The following ATP10B variants were observed in gnomAD, a reference collection of about 807,000 sequenced individuals.
ATP10B encodes ATPase phospholipid transporting 10B (putative).
A neutral mutation model predicts 141.2 loss-of-function variants in ATP10B; 122 were observed. The ratio of observed to expected loss-of-function variants is 0.86; its 90% CI spans 0.75 to 1.00. The LOEUF is 1.00. Ranked by LOEUF, ATP10B falls within the 50% of genes least tolerant of loss-of-function variation. The pLI is 0.00. For missense variants in ATP10B, 1,876 were observed against 1,825.3 expected, an observed-to-expected ratio of 1.03 and a Z score of -0.51; for synonymous variants, 685 against 692.0, an observed-to-expected ratio of 0.99 and a Z score of 0.16.
At chr5:160,658,807 G>C (rs1761687036) in intron 7 of ATP10B, among the ~76,000 whole-genome samples, 1 of 152,154 alleles carries the variant, frequency 6.6e-6, no homozygotes, top group South Asian at 2.1e-4. Context: ...ACAAGAGATG[G>C]ACATCATACT....
chr5:160,638,541 C>G (rs911273839), intron 10 of ATP10B, among the ~76,000 whole-genome samples: 1 of 152,112 alleles, frequency 6.6e-6, no homozygotes, highest in Non-Finnish European at 1.5e-5. Flanking sequence ...GCTCTCCTTA[C>G]AGCTGTGAGC....
At chr5:160,567,591 C>A (rs1317261530) in intron 25 of ATP10B, among the ~76,000 whole-genome samples, 1 of 152,034 alleles carries the variant, frequency 6.6e-6, no homozygotes, top group Non-Finnish European at 1.5e-5. Flanking sequence ...ACACAGTAAC[C>A]TTTTAAAGCT....
intron 19 of ATP10B, among the ~76,000 whole-genome samples, chr5:160,605,581 C>T (rs930605252): frequency 4.6e-5 from 7 of 152,154 alleles, no homozygotes; most frequent in South Asian, 2.1e-4. Flanking sequence ...AGTAGGATGT[C>T]GTTGCTAAAT....
At chr5:160,750,235 A>C (rs574648945) in intron 2 of ATP10B, among the ~76,000 whole-genome samples, 209 of 152,306 alleles carry the variant, frequency 1.4e-3, no homozygotes, top group African/African-American at 4.6e-3. Context: ...GTAGTCCATG[A>C]CACCTGTTTC....
At chr5:160,765,712 T>A (rs900775432) in intron 2 of ATP10B, among the ~76,000 whole-genome samples, 1 of 151,974 alleles carries the variant, frequency 6.6e-6, no homozygotes, top group African/African-American at 2.4e-5. Context: ...GATAAATAGA[T>A]GGAACTTAAA....
At position 160,620,336 on chromosome 5, in the gene ATP10B, G is replaced by T. The variant is rs376954605; in HGVS notation, c.2416+11C>A. 4 of 1,599,000 alleles carry T rather than the reference G, an allele frequency of 2.5e-6. No individual in the cohort carries two copies. The highest frequency in any genetic ancestry group is 2.6e-6 in the Non-Finnish European group (3 of 1,171,820). The stretch of plus-strand genomic sequence containing the variant: ...TCTCTGTGCCTGGAACCCTGGTAAG[G>T]CAGGACTCACCGCAGGCTGGGTCTT... On this transcript the variant is annotated intron_variant, in intron 15 of 25. Transcript: ENST00000327245.
chr5:160,818,393 G>C (rs1356283945), intron 1 of ATP10B, among the ~76,000 whole-genome samples: 8 of 152,280 alleles, frequency 5.3e-5, no homozygotes, highest in Non-Finnish European at 1.2e-4. Flanking sequence ...AAAGACACAT[G>C]AAAAAATGCT....
intron 18 of ATP10B, 42 bp downstream of exon 18, chr5:160,612,699 C>A (rs769227379): frequency 1.3e-6 from 2 of 1,543,312 alleles, no homozygotes; most frequent in Non-Finnish European, 1.8e-6. Flanking sequence ...GGTTGCTCTA[C>A]ACGTTGATAT....
intron 21 of ATP10B, among the ~76,000 whole-genome samples, chr5:160,599,694 G>A (rs149602167): frequency 5.6e-4 from 86 of 152,306 alleles, no homozygotes; most frequent in African/African-American, 1.9e-3. Context: ...AAGGGTGAAT[G>A]ACAAAATCTG....
intron 8 of ATP10B, among the ~76,000 whole-genome samples, chr5:160,647,284 G>A (rs1760359434): frequency 6.6e-6 from 1 of 152,188 alleles, no homozygotes; most frequent in Non-Finnish European, 1.5e-5. Context: ...GGAAGAAGGT[G>A]GAGACCATCT....
At chr5:160,925,600 C>T in the ATP10B span, among the ~76,000 whole-genome samples, 1 of 152,214 alleles carries the variant, frequency 6.6e-6, no homozygotes, top group East Asian at 1.9e-4. Context: ...TACATTTTGA[C>T]TATCATGCTT....
intron 12 of ATP10B, chr5:160,632,620 G>GTTT (rs34556097): frequency 7.0e-5 from 9 of 128,612 alleles, no homozygotes; most frequent in East Asian, 6.6e-4. Flanking sequence ...TTCCTCAGAG[G>GTTT]TTTTTTTTTT....
rs1378115078 is a variant in ATP10B at position 160,775,061 on chromosome 5, AGTTT to A, written c.-331+10494_-331+10497del. ...TTCTGAATCAGGGAGGCAGAACTGA[AGTTT>A]GTTTGACTCCTTTGAACGCAACTCT... On this transcript the variant is annotated intron_variant, in intron 2 of 25. Coordinates refer to ENST00000327245, the MANE Select transcript of ATP10B (RefSeq NM_025153.3). Among the ~76,000 whole-genome samples the A allele has an allele frequency of 3.9e-5, 6 of 152,294 alleles. 1 individual carries two copies. Among genetic ancestry groups the A allele is most frequent in the East Asian group, 3.9e-4 (2 of 5,184 alleles).
At chr5:160,644,096 A>T (rs759604881) in intron 9 of ATP10B, 42 bp downstream of exon 9, 107 of 1,544,982 alleles carry the variant, frequency 6.9e-5, no homozygotes, top group Non-Finnish European at 9.2e-5. Context: ...AGGGGGAAGG[A>T]TAAAGGAAAA....
chr5:160,676,284 C>T (rs955152286), intron 6 of ATP10B, among the ~76,000 whole-genome samples: 7 of 152,176 alleles, frequency 4.6e-5, no homozygotes, highest in Admixed American at 6.5e-5. Flanking sequence ...ACATGGAAGT[C>T]ACAGGTGCCA....
At chr5:160,696,116 T>C (rs1261101141) in intron 3 of ATP10B, among the ~76,000 whole-genome samples, 1 of 152,158 alleles carries the variant, frequency 6.6e-6, no homozygotes, top group African/African-American at 2.4e-5. Flanking sequence ...AGCTTCAATT[T>C]TTTTTTCACT....
At chr5:160,842,230 C>A (rs1250686598) in intron 1 of ATP10B, among the ~76,000 whole-genome samples, 1 of 151,962 alleles carries the variant, frequency 6.6e-6, no homozygotes, top group Non-Finnish European at 1.5e-5. Context: ...TCTAAATAAC[C>A]CATGGACCAA....
At chr5:160,568,950 A>T (rs1259253025) in intron 25 of ATP10B, among the ~76,000 whole-genome samples, 2 of 152,294 alleles carry the variant, frequency 1.3e-5, no homozygotes, top group East Asian at 3.9e-4. Context: ...TGTTTAAACA[A>T]ATTTGAATAG....
intron 13 of ATP10B, among the ~76,000 whole-genome samples, chr5:160,628,591 G>C (rs183981139): frequency 1.3e-5 from 2 of 152,114 alleles, no homozygotes; most frequent in East Asian, 1.9e-4. Flanking sequence ...TCTTCAGAAG[G>C]GTGGGGTGGC....
Sources: gnomAD v4.1 joint callset for allele counts (sites outside exome capture counted in the v4.1 genomes callset) on GRCh38, gnomAD v4.1.1 for gene constraint, MANE v1.5 for transcripts, NCBI Gene and HGNC (gene_info 2026-07-23, HGNC 2026-07-21) for gene names.